CERT1: variants seen among roughly 807,000 people sequenced by gnomAD.
CERT1 encodes the protein ceramide transporter 1.
In CERT1, 31 loss-of-function variants were observed where a neutral mutation model predicts 87.9. The ratio of observed to expected loss-of-function variants is 0.35; its 90% CI spans 0.27 to 0.48. The LOEUF (loss-of-function observed/expected upper bound fraction) is 0.48, where lower values mean the gene tolerates loss of function less well. CERT1 is among the 20% of genes least tolerant of loss of function. The pLI, the probability that CERT1 is intolerant of heterozygous loss-of-function variation, is 0.99. For synonymous variants in CERT1, 289 were observed against 250.9 expected (o/e 1.15, Z -1.44); for missense variants, 487 against 758.0 (o/e 0.64, Z 4.20).
At chr5:75,373,712 T>C (rs1761166317), downstream of CERT1, 1 of 179,552 alleles carries the variant, frequency 5.6e-6, no homozygotes, top group Middle Eastern at 2.2e-3. Context: ...CAGATTTGAC[T>C]GTAGGCCTGA....
chr5:75,397,684 T>C (rs991864582), intron 11 of CERT1, among the ~76,000 whole-genome samples: 1 of 152,232 alleles, frequency 6.6e-6, no homozygotes, highest in Non-Finnish European at 1.5e-5. Flanking sequence ...CAGTATTATG[T>C]AGTTTTGTCA....
At chr5:75,372,184 G>A (rs1334414861) in intron 17 of CERT1, 1 of 152,140 alleles carries the variant, frequency 6.6e-6, no homozygotes, top group Non-Finnish European at 1.5e-5. Flanking sequence ...ATCCAATTCA[G>A]TTATGAAAGA....
At chr5:75,466,404 T>A (rs1344361949) in intron 2 of CERT1, among the ~76,000 whole-genome samples, 2 of 152,206 alleles carry the variant, frequency 1.3e-5, no homozygotes, top group African/African-American at 2.4e-5. Flanking sequence ...CACTTCTTAG[T>A]TGTATGAGGT....
At chr5:75,419,087 G>A (rs1410289947) in intron 6 of CERT1, among the ~76,000 whole-genome samples, 1 of 152,170 alleles carries the variant, frequency 6.6e-6, no homozygotes, top group Non-Finnish European at 1.5e-5. Context: ...TCACGAAGGT[G>A]CCAAGACAAG....
chr5:75,489,061 G>C (rs1580844199), intron 2 of CERT1, among the ~76,000 whole-genome samples: 1 of 152,094 alleles, frequency 6.6e-6, no homozygotes, highest in Middle Eastern at 3.4e-3. Flanking sequence ...ATATAGACCA[G>C]AACAGAATAG....
intron 3 of CERT1, among the ~76,000 whole-genome samples, chr5:75,445,272 T>G (rs1764490188): frequency 6.6e-6 from 1 of 152,228 alleles, no homozygotes; most frequent in South Asian, 2.1e-4. Context: ...ATTCTAATTT[T>G]TATACTTGCT....
At chr5:75,426,304 T>G (rs1480584318) in intron 4 of CERT1, 67 bp downstream of exon 4, 1 of 1,093,626 alleles carries the variant, frequency 9.1e-7, no homozygotes, top group Non-Finnish European at 1.4e-6. Flanking sequence ...ACATATGTTC[T>G]GTTCACAACA....
intron 3 of CERT1, among the ~76,000 whole-genome samples, chr5:75,447,445 A>AATTT (rs376050463): frequency 0.032 from 4,715 of 149,002 alleles, 187 homozygotes; most frequent in African/African-American, 0.093. Flanking sequence ...TTTTAAAAAA[A>AATTT]ATTTATTTAT....
intron 6 of CERT1, among the ~76,000 whole-genome samples, chr5:75,417,794 A>T (rs773911684): frequency 6.6e-6 from 1 of 152,238 alleles, no homozygotes; most frequent in Non-Finnish European, 1.5e-5. Context: ...ACTGGGAGAA[A>T]ATCTTGTGTG....
intron 2 of CERT1, among the ~76,000 whole-genome samples, chr5:75,476,459 C>A (rs1454710427): frequency 4.6e-4 from 70 of 152,112 alleles, no homozygotes; most frequent in Non-Finnish European, 4.4e-5. Context: ...ATTCTATACC[C>A]CTGAATTAAC....
intron 4 of CERT1, among the ~76,000 whole-genome samples, chr5:75,426,018 G>A (rs1004584407): frequency 6.6e-6 from 1 of 152,076 alleles, no homozygotes; most frequent in Non-Finnish European, 1.5e-5. Context: ...AATAATTCTT[G>A]TTCATAGAGA....
At chr5:75,508,434 A>G (rs1456114754) in intron 1 of CERT1, among the ~76,000 whole-genome samples, 1 of 152,222 alleles carries the variant, frequency 6.6e-6, no homozygotes, top group African/African-American at 2.4e-5. Flanking sequence ...GCAATTATGT[A>G]TCCATAACTT....
chr5:75,399,873 T>G (rs1762399305), intron 10 of CERT1, among the ~76,000 whole-genome samples: 1 of 152,182 alleles, frequency 6.6e-6, no homozygotes, highest in Non-Finnish European at 1.5e-5. Context: ...GCATGGTGGC[T>G]CACGCCTGTA....
intron 2 of CERT1, among the ~76,000 whole-genome samples, chr5:75,503,076 A>G (rs958602900): frequency 2.6e-5 from 4 of 152,050 alleles, no homozygotes; most frequent in Admixed American, 2.0e-4. Context: ...AAATTATTTC[A>G]CCCACTTTAT....
At chr5:75,372,500 T>C (rs772380213) in intron 17 of CERT1, 35 of 152,350 alleles carry the variant, frequency 2.3e-4, no homozygotes, top group South Asian at 2.1e-4. Context: ...ATAGGCACTT[T>C]TCCACGTAGT....
intron 2 of CERT1, among the ~76,000 whole-genome samples, chr5:75,485,343 AAAAG>A (rs892079340): frequency 6.7e-5 from 10 of 149,856 alleles, no homozygotes; most frequent in African/African-American, 1.9e-4. Flanking sequence ...AAAAAGAACA[AAAAG>A]AAAGGAAAGA....
At chr5:75,405,442 A>G (rs1762662542) in intron 8 of CERT1, among the ~76,000 whole-genome samples, 1 of 152,124 alleles carries the variant, frequency 6.6e-6, no homozygotes, top group Non-Finnish European at 1.5e-5. Flanking sequence ...TCACAGCCAG[A>G]CCATCTCTCT....
At position 75,440,521 on chromosome 5, in the gene CERT1, T is replaced by C. The variant is rs548346713; in HGVS notation, c.349-14043A>G. On this transcript the variant is annotated intron_variant, in intron 3 of 16. Coordinates refer to ENST00000643780, the MANE Select transcript of CERT1 (RefSeq NM_001379029.1). ...TATAGCAACTCATTTGAAGGTCATTTATGGGAGCTGGTTATTCATTTGGCA... is the reference window on the plus strand; with the variant it reads ...TATAGCAACTCATTTGAAGGTCATTCATGGGAGCTGGTTATTCATTTGGCA... Among the ~76,000 whole-genome samples the C allele has an allele frequency of 2.6e-5, 4 of 152,266 alleles. No individual in the cohort carries two copies. The South Asian group carries it at 8.3e-4, about 32-fold the overall frequency.
intron 3 of CERT1, among the ~76,000 whole-genome samples, chr5:75,449,658 G>A (rs888798641): frequency 1.3e-5 from 2 of 151,644 alleles, no homozygotes; most frequent in African/African-American, 4.8e-5. Context: ...CATCAGCAAT[G>A]TATGAGATTA....
Sources: gnomAD v4.1 joint callset for allele counts (sites outside exome capture counted in the v4.1 genomes callset) on GRCh38, gnomAD v4.1.1 for gene constraint, MANE v1.5 for transcripts, NCBI Gene and HGNC (gene_info 2026-07-23, HGNC 2026-07-21) for gene names.